Variants in SIRPA observed in about 807,000 individuals in gnomAD.
SIRPA encodes signal regulatory protein alpha.
A neutral mutation model predicts 50.3 loss-of-function variants in SIRPA; 9 were observed. The ratio of observed to expected loss-of-function variants is 0.18; its 90% confidence interval spans 0.11 to 0.31. The LOEUF (loss-of-function observed/expected upper bound fraction) is 0.31. SIRPA is among the 10% of genes least tolerant of loss of function. The probability of loss-of-function intolerance (pLI) is 1.00; values close to 1 mark genes in which losing one functional copy is unlikely to be tolerated. For synonymous variants in SIRPA, 265 were observed against 284.1 expected, an observed-to-expected ratio of 0.93 and a Z score of 0.68; for missense variants, 474 against 661.6, an observed-to-expected ratio of 0.72 and a Z score of 3.11.
Position 1,922,589 on chromosome 20 carries a change from G to A in SIRPA, c.1031G>A (p.Ser344Asn), listed in dbSNP as rs1158059336. ...EHDGQPAVSK[S>N]HDLKVSAHPK... ...GACGGGCAGCCAGCGGTCAGCAAAA[G>A]CCATGACCTGAAGGTCTCAGCCCAC... Residue 344 changes from serine to asparagine, a missense_variant, in exon 4 of 8, where the codon AGC (serine) becomes AAC (asparagine). Around this residue, in one of 4 missense-constraint regions of SIRPA, gnomAD observed 221 missense variants for 359.9 expected, o/e 0.61. Coordinates refer to ENST00000358771, the MANE Select transcript of SIRPA (RefSeq NM_001040023.2). 6.2e-7 allele frequency: 1 copy of A among 1,614,076 alleles called. No individual in the cohort carries two copies. Among genetic ancestry groups the A allele is most frequent in the Non-Finnish European group, 8.5e-7 (1 of 1,179,984 alleles).
rs1322386547 is a variant in SIRPA at position 1,928,365 on chromosome 20, A to T, written c.1226+466A>T. On this transcript the variant is annotated intron_variant, in intron 6 of 7. Transcript: ENST00000358771. This position sits in a 1 kb window ranked among gnomAD's most constrained non-coding sequence, Gnocchi z 4.9. ...CCCTCTGCAAGCTCACAGCCTGGTC[A>T]GAGGCTCAGACGGTGACATTACATC... Among the ~76,000 whole-genome samples the T allele has an allele frequency of 6.6e-6, 1 of 152,230 alleles. No homozygotes were observed. The highest frequency in any genetic ancestry group is 1.5e-5 in the Non-Finnish European group (1 of 68,042).
chr20:1,908,765 A>G (rs1984705747), intron 1 of SIRPA, among the ~76,000 whole-genome samples: 1 of 151,992 alleles, frequency 6.6e-6, no homozygotes, highest in Non-Finnish European at 1.5e-5. Flanking sequence ...TTTAATGTAC[A>G]CTCATGTTCA....
At chr20:1,912,731 T>C (rs1984969391) in intron 1 of SIRPA, among the ~76,000 whole-genome samples, 2 of 152,196 alleles carry the variant, frequency 1.3e-5, no homozygotes, top group African/African-American at 4.8e-5. Flanking sequence ...TCATGGATGA[T>C]GGAATGGGGG....
At position 1,936,856 on chromosome 20, in the gene SIRPA, A is replaced by G. The variant is rs879820739; in HGVS notation, c.1267-464A>G. Among the ~76,000 whole-genome samples the G allele has an allele frequency of 2.0e-5, 3 of 152,194 alleles. No individual in the cohort carries two copies. The highest frequency in any genetic ancestry group is 2.9e-5 in the Non-Finnish European group (2 of 68,034). On this transcript the variant is annotated intron_variant, in intron 7 of 7. Transcript: ENST00000358771. The surrounding 1 kb of genome is among the most constrained non-coding windows in gnomAD (Gnocchi z 4.2). ...AACAAACATGGGCTGAGGAAGCACA[A>G]AGAAGGAACATGGACCCTGCCAGGA...
At chr20:1,896,268 G>A (rs73894241) in intron 1 of SIRPA, among the ~76,000 whole-genome samples, 9 of 152,176 alleles carry the variant, frequency 5.9e-5, no homozygotes, top group Admixed American at 4.6e-4. Flanking sequence ...GGTGCTCCGC[G>A]GGGATGTTAC....
chr20:1,908,492 C>A (rs1305784539), intron 1 of SIRPA, among the ~76,000 whole-genome samples: 1 of 152,102 alleles, frequency 6.6e-6, no homozygotes, highest in South Asian at 2.1e-4. Context: ...AATTCACATG[C>A]CCACGCCCAT....
chr20:1,937,318 A>G lies in SIRPA; in HGVS notation c.1267-2A>G. On this transcript the variant is annotated splice_acceptor_variant, in intron 7 of 7. Coordinates refer to ENST00000358771, the MANE Select transcript of SIRPA (RefSeq NM_001040023.2). LOFTEE classifies it high-confidence loss of function. This position sits in a 1 kb window ranked among gnomAD's most constrained non-coding sequence, Gnocchi z 8.3. ...CTTTCTCTTTGGGTATCTTAAATCCAGGACACAAATGATATCACATATGCA... is the reference window on the plus strand; with the variant it reads ...CTTTCTCTTTGGGTATCTTAAATCCGGGACACAAATGATATCACATATGCA... The G allele has an allele frequency of 6.2e-7, 1 of 1,610,610 alleles. No homozygotes were observed. Among genetic ancestry groups the G allele is most frequent in the Middle Eastern group, 1.7e-4 (1 of 6,048 alleles).
chr20:1,906,011 G>A (rs535874780), intron 1 of SIRPA, among the ~76,000 whole-genome samples: 6 of 152,338 alleles, frequency 3.9e-5, no homozygotes, highest in Non-Finnish European at 5.9e-5. Context: ...GCTTAAGGAC[G>A]TGGTCATCTG....
upstream of SIRPA, chr20:1,894,596 G>T (rs905267402): frequency 6.6e-6 from 1 of 151,548 alleles, no homozygotes; most frequent in Non-Finnish European, 1.5e-5. This position sits in a 1 kb window ranked among gnomAD's most constrained non-coding sequence, Gnocchi z 4.0. Flanking sequence ...CTTCTGAACG[G>T]GCACGCTGTC....
intron 1 of SIRPA, among the ~76,000 whole-genome samples, chr20:1,902,278 AC>A (rs1254004900): frequency 6.6e-6 from 1 of 151,956 alleles, no homozygotes. Context: ...CTGTTACCTG[AC>A]CCTCACCACG....
intron 2 of SIRPA, among the ~76,000 whole-genome samples, chr20:1,918,359 GCT>G (rs1985430100): frequency 9.1e-6 from 1 of 109,380 alleles, no homozygotes; most frequent in African/African-American, 3.6e-5. Context: ...CACCACACCA[GCT>G]TTTTTTTTTT....
intron 2 of SIRPA, among the ~76,000 whole-genome samples, chr20:1,917,049 T>A (rs1985348470): frequency 6.6e-6 from 1 of 152,144 alleles, no homozygotes; most frequent in Non-Finnish European, 1.5e-5. Context: ...AATACGTGGC[T>A]CAGGTGTGAC....
In SIRPA at chr20:1,898,505, G is replaced by A. The variant is rs28587234; in HGVS notation, c.79+2979G>A. Among the ~76,000 whole-genome samples, 4,816 of 152,128 alleles carry A rather than the reference G, an allele frequency of 0.032. 138 individuals carry two copies. Among genetic ancestry groups the A allele is most frequent in the African/African-American group, 0.077 (3,198 of 41,464 alleles). On this transcript the variant is annotated intron_variant, in intron 1 of 7. Transcript: ENST00000358771. This position sits in a 1 kb window ranked among gnomAD's most constrained non-coding sequence, Gnocchi z 4.3. ...GTTCCAGGCCGGATGCTGCTCCTGC[G>A]TCGTCTCACCCGCAAGACATGGATT...
chr20:1,930,091 C>T (rs1190716127), intron 6 of SIRPA, among the ~76,000 whole-genome samples: 2 of 152,154 alleles, frequency 1.3e-5, no homozygotes, highest in African/African-American at 4.8e-5. Context: ...TCCCCCAGCT[C>T]CAGGGGTGGC....
chr20:1,908,494 C>A (rs942695150), intron 1 of SIRPA, among the ~76,000 whole-genome samples: 1 of 152,114 alleles, frequency 6.6e-6, no homozygotes, highest in Non-Finnish European at 1.5e-5. Context: ...TTCACATGCC[C>A]ACGCCCATGA....
chr20:1,937,172 A>C lies in SIRPA; in HGVS notation c.1267-148A>C. 3 of 933,294 alleles carry C rather than the reference A, an allele frequency of 3.2e-6. No homozygotes were observed. Among genetic ancestry groups the C allele is most frequent in the Non-Finnish European group, 4.8e-6 (3 of 625,760 alleles). The allele number at this position is 933,294 out of a possible 1,614,324, so 57.8% of individuals were successfully genotyped here. A position where few individuals can be genotyped will look rare whatever the true frequency, so the allele number is the denominator to read the frequency against. ...AGGCTGGAGGCAAGTAACGTTGGCAAGAGATGAGGGGAACATGACTTATGG... is the reference window on the plus strand; with the variant it reads ...AGGCTGGAGGCAAGTAACGTTGGCACGAGATGAGGGGAACATGACTTATGG... On this transcript the variant is annotated intron_variant, in intron 7 of 7. Coordinates refer to ENST00000358771, the MANE Select transcript of SIRPA (RefSeq NM_001040023.2). The surrounding 1 kb of genome is among the most constrained non-coding windows in gnomAD (Gnocchi z 8.3).
At chr20:1,926,928 C>T (rs1986014164) in intron 5 of SIRPA, among the ~76,000 whole-genome samples, 1 of 152,214 alleles carries the variant, frequency 6.6e-6, no homozygotes, top group South Asian at 2.1e-4. Context: ...AGCTGTGTGA[C>T]CCTGAGGAGT....
At chr20:1,912,198 C>T (rs575042952) in intron 1 of SIRPA, among the ~76,000 whole-genome samples, 5 of 152,306 alleles carry the variant, frequency 3.3e-5, no homozygotes, top group South Asian at 2.1e-4. Flanking sequence ...TACAGGCCTC[C>T]GGCTGCACCA....
chr20:1,914,250 T>G (rs72620870), intron 1 of SIRPA, among the ~76,000 whole-genome samples: 62,097 of 151,952 alleles, frequency 0.41, 12,984 homozygotes, highest in East Asian at 0.66. Flanking sequence ...ATAAGAAAAC[T>G]GAGACTCAAA....
Sources: allele counts gnomAD v4.1 joint callset (sites outside exome capture counted in the v4.1 genomes callset), GRCh38; gene constraint gnomAD v4.1.1; regional missense constraint gnomAD v4.1.1; non-coding constraint Gnocchi (gnomAD v3.1); transcripts MANE v1.5; gene names NCBI Gene and HGNC (gene_info 2026-07-23, HGNC 2026-07-21).